The following IPO7 variants were observed in gnomAD, a reference collection of about 807,000 sequenced individuals.
IPO7 encodes the protein importin 7.
In IPO7, 13 loss-of-function variants were observed where a neutral mutation model predicts 136.4. That is an observed-to-expected ratio of 0.10 (90% CI 0.06 to 0.15). The LOEUF (loss-of-function observed/expected upper bound fraction) is 0.15. Ranked by LOEUF, IPO7 falls within the 10% of genes least tolerant of loss-of-function variation. The pLI, the probability that IPO7 is intolerant of heterozygous loss-of-function variation, is 1.00. For missense variants in IPO7, 857 were observed against 1,240.6 expected, an observed-to-expected ratio of 0.69 and a Z score of 4.65; for synonymous variants, 403 against 404.4, an observed-to-expected ratio of 1.00 and a Z score of 0.04.
intron 1 of IPO7, among the ~76,000 whole-genome samples, chr11:9,391,913 T>C (rs897493627): frequency 3.3e-5 from 5 of 152,050 alleles, no homozygotes; most frequent in African/African-American, 1.2e-4. Context: ...ACTACAGGCG[T>C]GCACCACCAC....
At position 9,437,100 on chromosome 11, in the gene IPO7, G is replaced by T. The variant is rs966275495; in HGVS notation, c.2269-654G>T. Among the ~76,000 whole-genome samples the T allele has an allele frequency of 4.0e-5, 6 of 150,358 alleles. No individual in the cohort carries two copies. The East Asian group carries it at 1.2e-3, about 29-fold the overall frequency. ...GGAGTTTCGCCATTTTGGCCAGGCTGGTCTCAAACTCCTGACCTCAAGTGT... is the reference window on the plus strand; with the variant it reads ...GGAGTTTCGCCATTTTGGCCAGGCTTGTCTCAAACTCCTGACCTCAAGTGT... On this transcript the variant is annotated intron_variant, in intron 20 of 24. Coordinates refer to ENST00000379719, the MANE Select transcript of IPO7 (RefSeq NM_006391.3).
chr11:9,404,143 G>C (rs1361953182), intron 2 of IPO7, among the ~76,000 whole-genome samples: 1 of 152,152 alleles, frequency 6.6e-6, no homozygotes, highest in Non-Finnish European at 1.5e-5. Flanking sequence ...ATTTCTTGCT[G>C]TTCTTTCCCC....
At chr11:9,409,866 A>G (rs1313179587) in intron 3 of IPO7, 62 bp from the exon 4 acceptor site, 3 of 1,303,962 alleles carry the variant, frequency 2.3e-6, no homozygotes, top group Non-Finnish European at 3.1e-6. Context: ...TTTCCTTTCT[A>G]TGGGTTAGCA....
intron 16 of IPO7, among the ~76,000 whole-genome samples, chr11:9,432,014 T>A (rs1205831873): frequency 2.0e-5 from 3 of 152,042 alleles, no homozygotes; most frequent in African/African-American, 7.2e-5. Flanking sequence ...TTGAGATAGA[T>A]GCAGTTGAAA....
chr11:9,436,642 T>C (rs1855372318), intron 20 of IPO7, among the ~76,000 whole-genome samples: 1 of 151,298 alleles, frequency 6.6e-6, no homozygotes. Context: ...TAAATATCCA[T>C]GGTCAGTTTT....
intron 22 of IPO7, 123 bp downstream of exon 22, chr11:9,438,408 C>T (rs1855413804): frequency 3.1e-6 from 2 of 655,666 alleles, no homozygotes; most frequent in South Asian, 1.8e-5. Flanking sequence ...AGGTGGATCA[C>T]ACGGTCAGGA....
In IPO7 at chr11:9,423,153, A is replaced by T; in HGVS notation, c.1041+13A>T. 6.6e-7 allele frequency: 1 copy of T among 1,519,304 alleles called. No homozygotes were observed. Among genetic ancestry groups the T allele is most frequent in the Non-Finnish European group, 8.9e-7 (1 of 1,117,496 alleles). 94.1% of individuals were successfully genotyped at this position (1,519,304 alleles called of 1,614,324 possible). A position where few individuals can be genotyped will look rare whatever the true frequency, so the allele number is the denominator to read the frequency against. ...GCCCCATATACAAGTAATAATTTTT[A>T]TCTGAAATGTTTTTATAGTAAATAT... On this transcript the variant is annotated intron_variant, in intron 9 of 24. Coordinates refer to ENST00000379719, the MANE Select transcript of IPO7 (RefSeq NM_006391.3).
At position 9,442,186 on chromosome 11, in the gene IPO7, G is replaced by A. The variant is rs766271634; in HGVS notation, c.3008G>A (p.Arg1003Lys). ...QDIATLADQRRAAHESKMIEK... is the reference protein window; with the variant it reads ...QDIATLADQRKAAHESKMIEK... ...ATAGCAACTCTGGCTGATCAAAGAA[G>A]AGCAGCCCATGGTATGTTAATTAAC... The change falls in exon 24 of 25, where the codon AGA becomes AAA. Residue 1003 changes from arginine to lysine, a missense_variant. Arg to Lys is a conservative substitution (Grantham distance 26). Transcript: ENST00000379719. The A allele has an allele frequency of 3.2e-6, 5 of 1,548,020 alleles. No individual in the cohort carries two copies. Among genetic ancestry groups the A allele is most frequent in the Non-Finnish European group, 3.6e-6 (4 of 1,120,814 alleles).
At position 9,446,604 on chromosome 11, in the gene IPO7, A is replaced by G. The variant is rs575803071; in HGVS notation, c.*1410A>G. On this transcript the variant is annotated 3_prime_UTR_variant, in exon 25 of 25. Coordinates refer to ENST00000379719, the MANE Select transcript of IPO7 (RefSeq NM_006391.3). Reference sequence around the variant, plus strand: ...ATACATTGGGTTATTTTTTATATACATGTATACACAAAATATTTCAAATTG... The same window carrying G: ...ATACATTGGGTTATTTTTTATATACGTGTATACACAAAATATTTCAAATTG... 2.0e-5 allele frequency: 3 copies of G among 152,326 alleles called. No individual in the cohort carries two copies. Among genetic ancestry groups the G allele is most frequent in the Admixed American group, 6.5e-5 (1 of 15,298 alleles). The allele number at this position is 152,326 out of a possible 1,614,324, so 9.4% of individuals were successfully genotyped here.
In IPO7 at chr11:9,388,061, C is replaced by T. The variant is rs542942613; in HGVS notation, c.84+3214C>T. Among the ~76,000 whole-genome samples, 7 of 151,486 alleles carry T rather than the reference C, an allele frequency of 4.6e-5. No individual in the cohort carries two copies. The South Asian group carries it at 1.5e-3, about 32-fold the overall frequency. On this transcript the variant is annotated intron_variant, in intron 1 of 24. Transcript: ENST00000379719. ...ACTAGGGAGGCTGAGGCAGGAGAAT[C>T]GCTTGAACCCGGGAGGTGGAGGTTG...
At chr11:9,388,180 A>C (rs1854578658) in intron 1 of IPO7, among the ~76,000 whole-genome samples, 1 of 149,544 alleles carries the variant, frequency 6.7e-6, no homozygotes, top group Non-Finnish European at 1.5e-5. Flanking sequence ...TAAATAAATA[A>C]ATTTTTTTTT....
intron 8 of IPO7, among the ~76,000 whole-genome samples, chr11:9,421,943 C>CA (rs780062839): frequency 1.9e-3 from 287 of 149,842 alleles, no homozygotes; most frequent in Non-Finnish European, 3.5e-3. Flanking sequence ...GACTCCGTCT[C>CA]AAAAAAAAGA....
intron 6 of IPO7, among the ~76,000 whole-genome samples, chr11:9,417,875 T>G (rs7114824): frequency 0.56 from 84,550 of 150,714 alleles, 24,678 homozygotes; most frequent in Non-Finnish European, 0.65. Context: ...ACCAAGCCCG[T>G]CTAATTTTTG....
chr11:9,385,226 T>C (rs12419936), intron 1 of IPO7, among the ~76,000 whole-genome samples: 16,647 of 152,070 alleles, frequency 0.11, 1,224 homozygotes, highest in Non-Finnish European at 0.15. Flanking sequence ...GTTTTTCAGA[T>C]GTTTCTGAGA....
chr11:9,439,240 C>A (rs1012442290), intron 22 of IPO7, among the ~76,000 whole-genome samples: 3 of 152,176 alleles, frequency 2.0e-5, no homozygotes, highest in Non-Finnish European at 4.4e-5. Context: ...CTCAGCCCCC[C>A]AGATAGCTGG....
intron 12 of IPO7, 70 bp from the exon 13 acceptor site, chr11:9,428,470 T>C (rs10128708): frequency 0.057 from 38,225 of 668,370 alleles, 1,400 homozygotes; most frequent in South Asian, 0.077. Flanking sequence ...TTAATAGTGT[T>C]ATATCTGTTT....
At position 9,410,213 on chromosome 11, in the gene IPO7, T is replaced by C. The variant is rs148463796; in HGVS notation, c.479+127T>C. On this transcript the variant is annotated intron_variant, in intron 4 of 24. Transcript: ENST00000379719. Reference sequence around the variant, plus strand: ...AAAATTAGTGAATTATATGGTAATTTCAATTTATTATTTTCTTTTTGACAT... The same window carrying C: ...AAAATTAGTGAATTATATGGTAATTCCAATTTATTATTTTCTTTTTGACAT... The C allele has an allele frequency of 3.3e-4, 197 of 598,812 alleles. 1 individual carries two copies. The East Asian group carries it at 5.2e-3, about 16-fold the overall frequency. 37.1% of individuals were successfully genotyped at this position (598,812 alleles called of 1,614,324 possible).
chr11:9,424,480 G>A (rs1855175606), intron 10 of IPO7, among the ~76,000 whole-genome samples: 1 of 152,144 alleles, frequency 6.6e-6, no homozygotes, highest in Non-Finnish European at 1.5e-5. Context: ...CGGTGGCTAA[G>A]GCCTGTAAAT....
At chr11:9,428,297 A>G (rs1808784220) in intron 12 of IPO7, among the ~76,000 whole-genome samples, 2 of 152,228 alleles carry the variant, frequency 1.3e-5, no homozygotes. Flanking sequence ...TTCGAACACT[A>G]TTGCTGGTAA....
Sources: allele counts gnomAD v4.1 joint callset (sites outside exome capture counted in the v4.1 genomes callset), GRCh38; gene constraint gnomAD v4.1.1; transcripts MANE v1.5; gene names NCBI Gene and HGNC (gene_info 2026-07-23, HGNC 2026-07-21).